The following CSRP1 variants were observed in gnomAD, a reference collection of about 807,000 sequenced individuals.
CSRP1 encodes cysteine and glycine rich protein 1, also known as cysteine and glycine-rich protein 1.
A neutral mutation model predicts 25.4 loss-of-function variants in CSRP1; 16 were observed. That is an observed-to-expected ratio of 0.63 (90% confidence interval 0.43 to 0.96). The LOEUF (loss-of-function observed/expected upper bound fraction) is 0.96. Ranked by LOEUF, CSRP1 falls within the 40% of genes least tolerant of loss-of-function variation. CSRP1 has a pLI of 0.00. For synonymous variants in CSRP1, 97 were observed against 95.3 expected (o/e 1.02, Z -0.10); for missense variants, 212 against 243.6 (o/e 0.87, Z 0.86).
chr1:201,486,877 T>A, intron 4 of CSRP1: 1 of 1,226,508 alleles, frequency 8.2e-7, no homozygotes, highest in Non-Finnish European at 1.0e-6. Flanking sequence ...GAAATAGTGA[T>A]TCTTAGCTAT....
chr1:201,485,308 G>T lies in CSRP1; in HGVS notation c.480C>A (p.Asp160Glu), dbSNP rs1234029339. Residue 160 changes from aspartate (D) to glutamate (E), a missense_variant, in exon 5 of 6, where the codon GAC becomes GAA. Asp to Glu is a conservative substitution (Grantham distance 45, BLOSUM62 2). Transcript: ENST00000340006. ...CTTTGCAGTAAATCTCGCCATCCTT[G>T]TCTGCCAGGGTGGTTGACTCAAGGC... ...GKGLESTTLA[D>E]KDGEIYCKGC... 3 of 1,614,064 alleles carry T rather than the reference G, an allele frequency of 1.9e-6. No individual in the cohort carries two copies. The highest frequency in any genetic ancestry group is 1.3e-5 in the African/African-American group (1 of 74,924).
At chr1:201,496,904 C>A (rs1419180030) in intron 1 of CSRP1, among the ~76,000 whole-genome samples, 1 of 152,200 alleles carries the variant, frequency 6.6e-6, no homozygotes, top group African/African-American at 2.4e-5. Flanking sequence ...AAGGCACTGC[C>A]TGGCAATGCT....
chr1:201,505,422 A>C (rs2102418351), intron 1 of CSRP1, among the ~76,000 whole-genome samples: 1 of 152,322 alleles, frequency 6.6e-6, no homozygotes, highest in South Asian at 2.1e-4. Flanking sequence ...ACCACAGGCA[A>C]ATAGGCCACA....
chr1:201,484,289 C>T lies in CSRP1; in HGVS notation c.*424G>A, dbSNP rs77890410. On this transcript the variant is annotated 3_prime_UTR_variant, in exon 6 of 6. Transcript: ENST00000340006. ...AATCTCTGAGATCCAAAAAACCCAG[C>T]CTTCCCCCCTCCTCATCTTGGTCTT... The T allele has an allele frequency of 0.01, 5,283 of 511,424 alleles. 104 individuals are homozygous for T. The highest frequency in any genetic ancestry group is 8.9e-3 in the Non-Finnish European group (2,550 of 285,520). The allele number at this position is 511,424 out of a possible 1,614,324, so 31.7% of individuals were successfully genotyped here.
intron 1 of CSRP1, among the ~76,000 whole-genome samples, chr1:201,501,035 T>A (rs1343061965): frequency 6.6e-6 from 1 of 152,220 alleles, no homozygotes; most frequent in Non-Finnish European, 1.5e-5. Flanking sequence ...AGCTGAATGA[T>A]CTTGGGCAAG....
chr1:201,495,427 G>T (rs1469606011), intron 2 of CSRP1, among the ~76,000 whole-genome samples: 2 of 152,140 alleles, frequency 1.3e-5, no homozygotes, highest in Admixed American at 6.5e-5. Context: ...TTCTAACCCA[G>T]ACCTTCTGCT....
chr1:201,497,788 G>A (rs1469498727), intron 1 of CSRP1, among the ~76,000 whole-genome samples: 8 of 152,154 alleles, frequency 5.3e-5, no homozygotes, highest in Admixed American at 3.9e-4. Context: ...GAGGTGGGCA[G>A]ATCACGAGGT....
At chr1:201,490,511 G>A (rs1664304743) in intron 2 of CSRP1, 167 bp from the exon 3 acceptor site, 2 of 615,466 alleles carry the variant, frequency 3.2e-6, no homozygotes, top group African/African-American at 1.8e-5. Context: ...CCAATGGGTG[G>A]GAGGACAGAG....
intron 2 of CSRP1, chr1:201,495,468 C>T (rs892815405): frequency 2.6e-5 from 4 of 152,216 alleles, no homozygotes; most frequent in Non-Finnish European, 5.9e-5. Flanking sequence ...CATTTAGGAA[C>T]CTGAGGAGAG....
At chr1:201,492,881 C>T (rs978078655) in intron 2 of CSRP1, 2 of 152,366 alleles carry the variant, frequency 1.3e-5, no homozygotes, top group Non-Finnish European at 2.9e-5. Context: ...TCTCAGCCTG[C>T]AGGTGAGGAG....
chr1:201,493,562 A>G (rs12077954), intron 2 of CSRP1, among the ~76,000 whole-genome samples: 88,821 of 152,124 alleles, frequency 0.58, 26,893 homozygotes, highest in Non-Finnish European at 0.67. Flanking sequence ...CTGTGAGTCC[A>G]TTAAACCTCT....
rs1158740893 is a variant in CSRP1 at position 201,484,218 on chromosome 1, T to C, written c.*495A>G. ...TCCCTAAGCTGGGACTCCTCAGGCT[T>C]ACTCTGAGGGACACCAGGAAGCTCA... is the stretch of plus-strand genomic sequence containing the variant. On this transcript the variant is annotated 3_prime_UTR_variant, in exon 6 of 6. Coordinates refer to ENST00000340006, the MANE Select transcript of CSRP1 (RefSeq NM_004078.3). The C allele has an allele frequency of 5.7e-6, 3 of 525,640 alleles. No individual in the cohort carries two copies. The Admixed American group carries it at 8.8e-5, about 15-fold the overall frequency. The allele number at this position is 525,640 out of a possible 1,614,324, so 32.6% of individuals were successfully genotyped here.
chr1:201,503,376 A>G (rs935386331), intron 1 of CSRP1, among the ~76,000 whole-genome samples: 1 of 152,228 alleles, frequency 6.6e-6, no homozygotes, highest in Non-Finnish European at 1.5e-5. Flanking sequence ...GTTAAAACAC[A>G]TTAGCACTTA....
At chr1:201,498,790 T>C (rs559683705) in intron 1 of CSRP1, among the ~76,000 whole-genome samples, 13 of 152,354 alleles carry the variant, frequency 8.5e-5, no homozygotes, top group African/African-American at 3.1e-4. Flanking sequence ...TTTCTCTGCA[T>C]GGTGAATCTC....
At chr1:201,486,775 C>A in intron 4 of CSRP1, 2 of 1,076,122 alleles carry the variant, frequency 1.9e-6, no homozygotes, top group Non-Finnish European at 1.1e-6. Flanking sequence ...AAAGGTGGGG[C>A]TTCTCCCTAC....
At chr1:201,486,013 G>T (rs982873649) in intron 4 of CSRP1, 1 of 152,284 alleles carries the variant, frequency 6.6e-6, no homozygotes. Flanking sequence ...AAGTCAGTTA[G>T]TGTTCACAGC....
intron 1 of CSRP1, among the ~76,000 whole-genome samples, chr1:201,506,011 TC>T (rs2102418866): frequency 6.6e-6 from 1 of 152,252 alleles, no homozygotes; most frequent in Non-Finnish European, 1.5e-5. Flanking sequence ...TGTAATATGC[TC>T]CCCAAGTAGC....
intron 2 of CSRP1, among the ~76,000 whole-genome samples, chr1:201,495,191 C>T (rs1287396456): frequency 6.6e-6 from 1 of 152,200 alleles, no homozygotes; most frequent in African/African-American, 2.4e-5. Flanking sequence ...AACCCAGGAG[C>T]TCAACGCCAC....
intron 1 of CSRP1, among the ~76,000 whole-genome samples, chr1:201,498,296 A>G (rs1664569620): frequency 6.6e-6 from 1 of 152,206 alleles, no homozygotes; most frequent in Admixed American, 6.5e-5. Flanking sequence ...ACAGAAGTTC[A>G]TGAGGGAAGG....
Sources: gnomAD v4.1 joint callset for allele counts (sites outside exome capture counted in the v4.1 genomes callset) on GRCh38, gnomAD v4.1.1 for gene constraint, MANE v1.5 for transcripts, NCBI Gene and HGNC (gene_info 2026-07-23, HGNC 2026-07-21) for gene names.